NTM: variants seen among roughly 807,000 people sequenced by gnomAD.
The protein encoded by NTM is IgLON family member 2.
In NTM, 13 loss-of-function variants were observed where a neutral mutation model predicts 42.1. That is an observed-to-expected ratio of 0.31 (90% CI 0.20 to 0.49). The LOEUF is 0.49. NTM is among the 20% of genes least tolerant of loss of function. NTM has a pLI of 0.99. For missense variants in NTM, 373 were observed against 452.8 expected (o/e 0.82, Z 1.60); for synonymous variants, 187 against 179.2 (o/e 1.04, Z -0.35).
chr11:132,317,728 C>G (rs976017354), intron 7 of NTM: 69 of 1,260,808 alleles, frequency 5.5e-5, no homozygotes, highest in Non-Finnish European at 7.3e-5. Context: ...GTCTCCCCTT[C>G]CCTCTATCCC....
intron 3 of NTM, among the ~76,000 whole-genome samples, chr11:132,170,103 G>A (rs753560109): frequency 2.0e-5 from 3 of 152,156 alleles, no homozygotes; most frequent in Non-Finnish European, 2.9e-5. Flanking sequence ...TGACTGAGCC[G>A]GGATAGCCAC....
chr11:131,752,432 T>C (rs1263387320), intron 1 of NTM, among the ~76,000 whole-genome samples: 1 of 152,180 alleles, frequency 6.6e-6, no homozygotes, highest in Non-Finnish European at 1.5e-5. Flanking sequence ...CACTTTTACA[T>C]CGCTGGTGGG....
chr11:131,625,443 T>C (rs2063003181), intron 1 of NTM, among the ~76,000 whole-genome samples: 1 of 152,064 alleles, frequency 6.6e-6, no homozygotes, highest in South Asian at 2.1e-4. Flanking sequence ...TAATAGAAAT[T>C]AGTCCACTGG....
chr11:131,391,658 A>G (rs569722008), intron 1 of NTM, among the ~76,000 whole-genome samples: 1 of 149,422 alleles, frequency 6.7e-6, no homozygotes, highest in African/African-American at 2.4e-5. Context: ...AAAAAAAAAA[A>G]AAAAAGAAAA....
chr11:132,077,953 T>G (rs2058575577), intron 2 of NTM, among the ~76,000 whole-genome samples: 1 of 152,202 alleles, frequency 6.6e-6, no homozygotes, highest in South Asian at 2.1e-4. Context: ...ATTGGCAAGT[T>G]AAATCCTTAT....
chr11:132,040,610 C>T (rs1048583338), intron 2 of NTM, among the ~76,000 whole-genome samples: 1 of 152,208 alleles, frequency 6.6e-6, no homozygotes, highest in African/African-American at 2.4e-5. Context: ...TGTGATCCTT[C>T]TCCTTATGCT....
intron 4 of NTM, among the ~76,000 whole-genome samples, chr11:132,225,748 C>T (rs559595703): frequency 2.6e-5 from 4 of 151,968 alleles, no homozygotes; most frequent in East Asian, 3.9e-4. Flanking sequence ...TTCTGGGATA[C>T]GTGTGCAGAA....
intron 4 of NTM, among the ~76,000 whole-genome samples, chr11:132,294,355 G>A (rs940569572): frequency 2.0e-5 from 3 of 151,930 alleles, no homozygotes; most frequent in African/African-American, 4.8e-5. Flanking sequence ...GTTAATGCAT[G>A]AGCTCCTGTC....
intron 1 of NTM, among the ~76,000 whole-genome samples, chr11:131,515,291 C>T (rs371107494): frequency 7.9e-5 from 12 of 152,234 alleles, no homozygotes; most frequent in East Asian, 1.9e-4. Context: ...CAAGGCTGCA[C>T]GTAGATGGTG....
chr11:131,552,874 A>G (rs1427963666), intron 1 of NTM, among the ~76,000 whole-genome samples: 1 of 152,210 alleles, frequency 6.6e-6, no homozygotes, highest in Non-Finnish European at 1.5e-5. Context: ...CCATCATAGA[A>G]TGAAGACAGA....
chr11:132,146,282 G>A lies in NTM; in HGVS notation c.168G>A (p.Arg56=). The part of the protein sequence containing the change: ...TVRQGESATL[R]CTIDNRVTRV... The stretch of plus-strand genomic sequence containing the variant: ...CGTACCTGTCTGGTCTTCCCTTCAG[G>A]TGCACTATTGACAACCGGGTCACCC... The change falls in exon 3 of 9, where the codon AGG becomes AGA. Residue 56 remains arginine, a splice_region_variant and synonymous_variant. Transcript: ENST00000683400. This position sits in a 1 kb window ranked among gnomAD's most constrained non-coding sequence, Gnocchi z 4.5. 1 of 1,614,174 alleles carries A rather than the reference G, an allele frequency of 6.2e-7. No homozygotes were observed. The highest frequency in any genetic ancestry group is 8.5e-7 in the Non-Finnish European group (1 of 1,180,022).
At chr11:132,105,276 G>C (rs184478878) in intron 2 of NTM, among the ~76,000 whole-genome samples, 2 of 152,024 alleles carry the variant, frequency 1.3e-5, no homozygotes, top group East Asian at 1.9e-4. Flanking sequence ...CGTATCTCCA[G>C]ATGAATAAAC....
chr11:132,126,547 G>A (rs1162213073), intron 2 of NTM, among the ~76,000 whole-genome samples: 1 of 152,220 alleles, frequency 6.6e-6, no homozygotes, highest in African/African-American at 2.4e-5. Flanking sequence ...GGCGGGGGCA[G>A]GAGGAGGGGG....
chr11:132,131,274 G>A (rs1016264888), intron 2 of NTM, among the ~76,000 whole-genome samples: 3 of 152,138 alleles, frequency 2.0e-5, no homozygotes, highest in Non-Finnish European at 4.4e-5. Context: ...TGAGTGTGGG[G>A]CCAGCTATTG....
In NTM at chr11:131,906,073, G is replaced by A. The variant is rs147062233; in HGVS notation, c.83-5491G>A. 6.5e-3 allele frequency among the ~76,000 whole-genome samples: 997 copies of A among 152,246 alleles called. 14 individuals are homozygous for A. Among genetic ancestry groups the A allele is most frequent in the African/African-American group, 0.022 (910 of 41,538 alleles). On this transcript the variant is annotated intron_variant, in intron 1 of 8. Coordinates refer to ENST00000683400, the MANE Select transcript of NTM (RefSeq NM_001352005.2). ...CAAACCCAATAGCACTAGACGACAC[G>A]CAACTCAAGGGCAGGGGCATGTCTT...
chr11:132,126,859 C>A (rs1362417203), intron 2 of NTM, among the ~76,000 whole-genome samples: 8 of 152,122 alleles, frequency 5.3e-5, no homozygotes, highest in African/African-American at 1.9e-4. Flanking sequence ...TTCTGTGACC[C>A]GCAAAGCGTG....
chr11:132,129,832 A>C (rs1206240408), intron 2 of NTM, among the ~76,000 whole-genome samples: 1 of 152,214 alleles, frequency 6.6e-6, no homozygotes, highest in Admixed American at 6.5e-5. Flanking sequence ...GCTTTGCCAG[A>C]AATGTCTGTC....
Position 131,931,501 on chromosome 11 carries a change from GTGTA to G in NTM, c.167+19857_167+19860del, listed in dbSNP as rs1156627024. On this transcript the variant is annotated intron_variant, in intron 2 of 8. Coordinates refer to ENST00000683400, the MANE Select transcript of NTM (RefSeq NM_001352005.2). ...TGTGTGTGTGTGTGTGTGTGTGTGT[GTGTA>G]TGTGTGTGTGTTCCTTTTGACCACA... Among the ~76,000 whole-genome samples, 302 of 151,070 alleles carry G rather than the reference GTGTA, an allele frequency of 2.0e-3. 2 individuals carry two copies. The highest frequency in any genetic ancestry group is 0.01 in the Middle Eastern group (3 of 294).
intron 1 of NTM, among the ~76,000 whole-genome samples, chr11:131,593,498 A>G (rs1011298703): frequency 1.2e-4 from 18 of 152,132 alleles, no homozygotes; most frequent in African/African-American, 4.3e-4. Context: ...CAAACAAGCC[A>G]AGTGTAAAGG....
Sources: gnomAD v4.1 joint callset for allele counts (sites outside exome capture counted in the v4.1 genomes callset) on GRCh38, gnomAD v4.1.1 for gene constraint, Gnocchi (gnomAD v3.1) non-coding constraint, MANE v1.5 for transcripts, NCBI Gene and HGNC (gene_info 2026-07-23, HGNC 2026-07-21) for gene names.